Variants in SMIM14 observed in about 807,000 individuals in gnomAD.
SMIM14 encodes small integral membrane protein 14.
Under a neutral mutation model 12.6 loss-of-function variants are expected in SMIM14, and 5 were observed. The ratio of observed to expected loss-of-function variants is 0.40; its 90% CI spans 0.21 to 0.83. The LOEUF (loss-of-function observed/expected upper bound fraction) is 0.83. Ranked by LOEUF, SMIM14 falls within the 40% of genes least tolerant of loss-of-function variation. The pLI is 0.37. For synonymous variants in SMIM14, 30 were observed against 40.1 expected, an observed-to-expected ratio of 0.75 and a Z score of 0.95; for missense variants, 86 against 119.1, an observed-to-expected ratio of 0.72 and a Z score of 1.29.
intron 3 of SMIM14, among the ~76,000 whole-genome samples, chr4:39,561,875 G>A (rs1712326545): frequency 1.3e-5 from 2 of 152,136 alleles, no homozygotes; most frequent in Admixed American, 6.6e-5. Context: ...ACAGGTCGCA[G>A]TGAGCCGAGA....
chr4:39,618,328 TGTG>T (rs1715297975), intron 1 of SMIM14, among the ~76,000 whole-genome samples: 1 of 152,152 alleles, frequency 6.6e-6, no homozygotes, highest in African/African-American at 2.4e-5. Context: ...ATGAGCAAGA[TGTG>T]ATCACCACTC....
intron 1 of SMIM14, among the ~76,000 whole-genome samples, chr4:39,621,674 A>C (rs1159975587): frequency 1.3e-5 from 2 of 148,776 alleles, no homozygotes; most frequent in Non-Finnish European, 1.5e-5. Context: ...AGTATTATAC[A>C]GCCAAACGTT....
chr4:39,579,857 A>AAAG, intron 2 of SMIM14, among the ~76,000 whole-genome samples: 1 of 145,164 alleles, frequency 6.9e-6, no homozygotes, highest in Non-Finnish European at 1.5e-5. Flanking sequence ...AAAAAAAAAA[A>AAAG]AGAAAGAAAG....
At chr4:39,574,105 C>G (rs983119514) in intron 2 of SMIM14, among the ~76,000 whole-genome samples, 8 of 152,112 alleles carry the variant, frequency 5.3e-5, no homozygotes, top group African/African-American at 1.9e-4. Flanking sequence ...ACTAACTACA[C>G]CCTCTCCATT....
Position 39,548,039 on chromosome 4 carries a change from G to A in SMIM14, c.*4087C>T, listed in dbSNP as rs1030411338. ...TCCTGCCTCAGCTTCCCAAGTAGCT[G>A]GGATTACAGGCATGTGCCACCACAC... On this transcript the variant is annotated 3_prime_UTR_variant, in exon 5 of 5. Coordinates refer to ENST00000295958, the MANE Select transcript of SMIM14 (RefSeq NM_174921.3). 2.6e-5 allele frequency: 4 copies of A among 151,974 alleles called. No individual in the cohort carries two copies. Among genetic ancestry groups the A allele is most frequent in the Non-Finnish European group, 5.9e-5 (4 of 68,202 alleles). The allele number at this position is 151,974 out of a possible 1,614,324, so 9.4% of individuals were successfully genotyped here.
At position 39,552,001 on chromosome 4, in the gene SMIM14, C is replaced by T. The variant is rs1239657482; in HGVS notation, c.*125G>A. On this transcript the variant is annotated 3_prime_UTR_variant, in exon 5 of 5. Coordinates refer to ENST00000295958, the MANE Select transcript of SMIM14 (RefSeq NM_174921.3). Reference sequence around the variant, plus strand: ...TGAAATTTCTAGAAGCTCATGAAAACAATACCATCCCATATTGCAGATACA... The same window carrying T: ...TGAAATTTCTAGAAGCTCATGAAAATAATACCATCCCATATTGCAGATACA... 3.0e-6 allele frequency: 2 copies of T among 662,410 alleles called. No individual in the cohort carries two copies. Among genetic ancestry groups the T allele is most frequent in the Non-Finnish European group, 4.8e-6 (2 of 414,598 alleles). The allele number at this position is 662,410 out of a possible 1,614,324, so 41.0% of individuals were successfully genotyped here. A position where few individuals can be genotyped will look rare whatever the true frequency, so the allele number is the denominator to read the frequency against.
At chr4:39,585,246 A>G (rs1713728814) in intron 2 of SMIM14, among the ~76,000 whole-genome samples, 1 of 152,000 alleles carries the variant, frequency 6.6e-6, no homozygotes, top group South Asian at 2.1e-4. Context: ...CCATATTTCT[A>G]CATTATTTCA....
At chr4:39,552,746 TTTTTTTGA>T (rs1454514122) in intron 4 of SMIM14, among the ~76,000 whole-genome samples, 2 of 152,152 alleles carry the variant, frequency 1.3e-5, no homozygotes, top group African/African-American at 4.8e-5. Context: ...TACCTCTGAA[TTTTTTTGA>T]CGTGTAAATC....
chr4:39,579,152 T>C (rs1202567618), intron 2 of SMIM14, among the ~76,000 whole-genome samples: 1 of 151,982 alleles, frequency 6.6e-6, no homozygotes, highest in African/African-American at 2.4e-5. Flanking sequence ...CTCATCCCTG[T>C]AATCCCAGCA....
Position 39,558,570 on chromosome 4 carries a change from TA to T in SMIM14, c.125-2001del, listed in dbSNP as rs966393931. ...TTGCATAGGGCGGAGTGGGCTTACC[TA>T]AAAAAACCCAGTTATACAAAGAAGA... On this transcript the variant is annotated intron_variant, in intron 3 of 4. Coordinates refer to ENST00000295958, the MANE Select transcript of SMIM14 (RefSeq NM_174921.3). The surrounding 1 kb of genome is among the most constrained non-coding windows in gnomAD (Gnocchi z 4.3). 6.6e-6 allele frequency among the ~76,000 whole-genome samples: 1 copy of T among 152,104 alleles called. No homozygotes were observed. Among genetic ancestry groups the T allele is most frequent in the African/African-American group, 2.4e-5 (1 of 41,428 alleles).
chr4:39,576,644 A>C (rs111636947), intron 2 of SMIM14, among the ~76,000 whole-genome samples: 4 of 96,832 alleles, frequency 4.1e-5, no homozygotes, highest in Non-Finnish European at 5.7e-5. Context: ...ACTTATACCT[A>C]TGTGTGTGTG....
intron 4 of SMIM14, among the ~76,000 whole-genome samples, chr4:39,554,830 ATTT>A (rs34845808): frequency 0.11 from 13,313 of 123,770 alleles, 1,266 homozygotes; most frequent in African/African-American, 0.3. Context: ...AATTCATGGA[ATTT>A]TTTTTTTTTT....
At position 39,548,258 on chromosome 4, in the gene SMIM14, A is replaced by G. The variant is rs999042905; in HGVS notation, c.*3868T>C. ...CCAATGTTAACTTTTCCCACATGGAAAGCAAAACAAAACAAAACAAAACAA... is the reference window on the plus strand; with the variant it reads ...CCAATGTTAACTTTTCCCACATGGAGAGCAAAACAAAACAAAACAAAACAA... On this transcript the variant is annotated 3_prime_UTR_variant, in exon 5 of 5. Transcript: ENST00000295958. 3 of 152,080 alleles carry G rather than the reference A, an allele frequency of 2.0e-5. No individual in the cohort carries two copies. Among genetic ancestry groups the G allele is most frequent in the Non-Finnish European group, 4.4e-5 (3 of 68,052 alleles). 9.4% of individuals were successfully genotyped at this position (152,080 alleles called of 1,614,324 possible).
chr4:39,579,416 AAAAAAAAAAG>A (rs1421340823), intron 2 of SMIM14, among the ~76,000 whole-genome samples: 3 of 151,790 alleles, frequency 2.0e-5, no homozygotes, highest in African/African-American at 7.2e-5. Context: ...CCTCCAAAAA[AAAAAAAAAAG>A]AAAAAAAAGA....
At chr4:39,555,583 T>C (rs1711969444) in intron 4 of SMIM14, among the ~76,000 whole-genome samples, 1 of 152,210 alleles carries the variant, frequency 6.6e-6, no homozygotes, top group African/African-American at 2.4e-5. Flanking sequence ...TGGGTCACTT[T>C]ATCATAGTTT....
intron 4 of SMIM14, among the ~76,000 whole-genome samples, chr4:39,553,425 G>A (rs1006755368): frequency 3.3e-5 from 5 of 151,864 alleles, no homozygotes; most frequent in African/African-American, 1.2e-4. Context: ...AAACATTGAG[G>A]AATTTACTCT....
intron 1 of SMIM14, among the ~76,000 whole-genome samples, chr4:39,621,885 T>C (rs1715510287): frequency 6.6e-6 from 1 of 151,080 alleles, no homozygotes; most frequent in African/African-American, 2.4e-5. Context: ...TCTCATTATG[T>C]TTCTCAGGCT....
chr4:39,586,190 G>A (rs1010961600), intron 2 of SMIM14, among the ~76,000 whole-genome samples: 1 of 151,918 alleles, frequency 6.6e-6, no homozygotes, highest in Non-Finnish European at 1.5e-5. Flanking sequence ...ATGTGGACAG[G>A]CTGAGAATTT....
rs1712129140 is a variant in SMIM14 at position 39,558,609 on chromosome 4, TGTGCTTA to T, written c.125-2046_125-2040del. ...TATACAAAGAAGAGAAGCTGTGCTT[TGTGCTTA>T]GAAACAATCCCACAGCTGGAAAAAG... On this transcript the variant is annotated intron_variant, in intron 3 of 4. Coordinates refer to ENST00000295958, the MANE Select transcript of SMIM14 (RefSeq NM_174921.3). This position sits in a 1 kb window ranked among gnomAD's most constrained non-coding sequence, Gnocchi z 4.3. Among the ~76,000 whole-genome samples, 1 of 152,224 alleles carries T rather than the reference TGTGCTTA, an allele frequency of 6.6e-6. No homozygotes were observed. The highest frequency in any genetic ancestry group is 1.5e-5 in the Non-Finnish European group (1 of 68,036).
Sources: gnomAD v4.1 joint callset for allele counts (sites outside exome capture counted in the v4.1 genomes callset) on GRCh38, gnomAD v4.1.1 for gene constraint, Gnocchi (gnomAD v3.1) non-coding constraint, MANE v1.5 for transcripts, NCBI Gene and HGNC (gene_info 2026-07-23, HGNC 2026-07-21) for gene names.